The following PRKCA variants were observed in gnomAD, a reference collection of about 807,000 sequenced individuals.
PRKCA encodes the protein protein kinase C alpha type.
Under a neutral mutation model 87.0 loss-of-function variants are expected in PRKCA, and 27 were observed. The ratio of observed to expected loss-of-function variants is 0.31; its 90% CI spans 0.23 to 0.43. PRKCA has a LOEUF of 0.43. Ranked by LOEUF, PRKCA falls within the 20% of genes least tolerant of loss-of-function variation. PRKCA has a pLI of 1.00. For synonymous variants in PRKCA, 329 were observed against 311.1 expected (o/e 1.06, Z -0.61); for missense variants, 518 against 852.3 (o/e 0.61, Z 4.88).
intron 2 of PRKCA, among the ~76,000 whole-genome samples, chr17:66,413,337 AG>A (rs1911928140): frequency 6.6e-6 from 1 of 152,196 alleles, no homozygotes; most frequent in Non-Finnish European, 1.5e-5. Flanking sequence ...GCATGTAGGC[AG>A]GGGGGTGGAG....
rs916793855 is a variant in PRKCA, at chr17:66,384,448, A to C, written c.205+78321A>C. On this transcript the variant is annotated intron_variant, in intron 2 of 16. Transcript: ENST00000413366. ...TTACAAATATGAAAAGCTGTGGATAAAAATTATCTGATTTTTGAAGATTTG... is the reference window on the plus strand; with the variant it reads ...TTACAAATATGAAAAGCTGTGGATACAAATTATCTGATTTTTGAAGATTTG... Among the ~76,000 whole-genome samples the C allele has an allele frequency of 7.0e-4, 106 of 152,372 alleles. 1 individual carries two copies. Among genetic ancestry groups the C allele is most frequent in the Non-Finnish European group, 5.9e-5 (4 of 68,042 alleles).
At chr17:66,771,417 C>T (rs1252220507) in intron 13 of PRKCA, among the ~76,000 whole-genome samples, 2 of 152,160 alleles carry the variant, frequency 1.3e-5, no homozygotes, top group East Asian at 3.8e-4. Context: ...TGCCAAGATA[C>T]TCATGATATA....
chr17:66,618,680 A>G (rs1261408640), intron 3 of PRKCA, among the ~76,000 whole-genome samples: 1 of 152,192 alleles, frequency 6.6e-6, no homozygotes, highest in Non-Finnish European at 1.5e-5. Context: ...TTACTCATGA[A>G]TTTTAATAAA....
At chr17:66,444,888 C>A (rs573898583) in intron 2 of PRKCA, among the ~76,000 whole-genome samples, 1 of 152,216 alleles carries the variant, frequency 6.6e-6, no homozygotes, top group Admixed American at 6.5e-5. Flanking sequence ...TTTAGAAAAT[C>A]CCACTCAGTT....
intron 8 of PRKCA, among the ~76,000 whole-genome samples, chr17:66,723,954 C>T (rs369775699): frequency 4.3e-4 from 66 of 152,228 alleles, no homozygotes; most frequent in African/African-American, 1.3e-3. Flanking sequence ...AGACTGTGGA[C>T]GGTGGAAAGG....
At chr17:66,367,457 C>T (rs1010813302) in intron 2 of PRKCA, among the ~76,000 whole-genome samples, 7 of 152,150 alleles carry the variant, frequency 4.6e-5, no homozygotes. Context: ...CACTGCTGTA[C>T]CTAAAACAGT....
chr17:66,688,897 A>C, intron 7 of PRKCA, 54 bp from the exon 8 acceptor site: 1 of 1,148,118 alleles, frequency 8.7e-7, no homozygotes. Context: ...TAGAGGCTGC[A>C]GGAAAGGCTT....
At chr17:66,484,921 A>G (rs1281688501) in intron 2 of PRKCA, among the ~76,000 whole-genome samples, 2 of 151,286 alleles carry the variant, frequency 1.3e-5, no homozygotes, top group Non-Finnish European at 3.0e-5. Context: ...CTACTTAATG[A>G]TAAGTATTAG....
At chr17:66,539,618 A>G (rs1250867821) in intron 3 of PRKCA, among the ~76,000 whole-genome samples, 1 of 152,072 alleles carries the variant, frequency 6.6e-6, no homozygotes, top group Admixed American at 6.6e-5. Context: ...GTTAGCCAGG[A>G]TAGTCTCGAT....
At chr17:66,771,459 C>G (rs1015780047) in intron 13 of PRKCA, among the ~76,000 whole-genome samples, 2 of 152,184 alleles carry the variant, frequency 1.3e-5, no homozygotes, top group African/African-American at 4.8e-5. Context: ...CACAAAATAG[C>G]AGGCTCACAT....
chr17:66,606,757 G>A lies in PRKCA; in HGVS notation c.289-34598G>A, dbSNP rs566017650. Among the ~76,000 whole-genome samples, 7 of 152,196 alleles carry A rather than the reference G, an allele frequency of 4.6e-5. No homozygotes were observed. In the East Asian group the frequency reaches 7.7e-4, roughly 17 times the overall value. On this transcript the variant is annotated intron_variant, in intron 3 of 16. Coordinates refer to ENST00000413366, the MANE Select transcript of PRKCA (RefSeq NM_002737.3). The stretch of plus-strand genomic sequence containing the variant: ...AAATCAGTGGCCATATATATCAAGA[G>A]TTGTAAAACATTTGTGGCTATTCTA...
At chr17:66,674,518 G>C (rs1282143381) in intron 5 of PRKCA, among the ~76,000 whole-genome samples, 1 of 152,152 alleles carries the variant, frequency 6.6e-6, no homozygotes, top group Non-Finnish European at 1.5e-5. Context: ...TAAATATTTA[G>C]CATATAGAAC....
intron 5 of PRKCA, among the ~76,000 whole-genome samples, chr17:66,657,427 G>A (rs938409124): frequency 6.6e-6 from 1 of 152,090 alleles, no homozygotes; most frequent in Non-Finnish European, 1.5e-5. Flanking sequence ...CATCAACTTC[G>A]ACTCACTTGA....
chr17:66,655,897 G>A (rs1312133886), intron 5 of PRKCA, among the ~76,000 whole-genome samples: 2 of 152,136 alleles, frequency 1.3e-5, no homozygotes, highest in Non-Finnish European at 2.9e-5. Flanking sequence ...ACATCTATCA[G>A]CTAAGAAAAA....
chr17:66,615,026 C>A (rs548153503), intron 3 of PRKCA, among the ~76,000 whole-genome samples: 1 of 152,264 alleles, frequency 6.6e-6, no homozygotes, highest in Admixed American at 6.5e-5. Context: ...TTCTGTGTCT[C>A]TGTTGTACCA....
At chr17:66,656,479 A>C (rs1971736275) in intron 5 of PRKCA, among the ~76,000 whole-genome samples, 1 of 152,110 alleles carries the variant, frequency 6.6e-6, no homozygotes, top group Admixed American at 6.6e-5. Context: ...TAATTATAGG[A>C]TTATCATTTA....
intron 3 of PRKCA, among the ~76,000 whole-genome samples, chr17:66,513,043 C>T (rs1408562801): frequency 6.6e-6 from 1 of 152,192 alleles, no homozygotes; most frequent in Non-Finnish European, 1.5e-5. Flanking sequence ...CTGTCATCAT[C>T]TAAAACCATA....
At chr17:66,737,639 A>G (rs1490363740) in intron 10 of PRKCA, among the ~76,000 whole-genome samples, 1 of 152,226 alleles carries the variant, frequency 6.6e-6, no homozygotes, top group Non-Finnish European at 1.5e-5. Flanking sequence ...CTGGGTGTGT[A>G]GCAGTGGCCG....
Position 66,803,823 on chromosome 17 carries a change from C to G in PRKCA, c.1855-50C>G. ...GAGAGGGCCCTCGGAGAGCTGCTCC[C>G]GCATTGTCATGTTGACTGACCTTTC... On this transcript the variant is annotated intron_variant, in intron 16 of 16. Transcript: ENST00000413366. This position sits in a 1 kb window ranked among gnomAD's most constrained non-coding sequence, Gnocchi z 4.4. 1 of 1,594,872 alleles carries G rather than the reference C, an allele frequency of 6.3e-7. No homozygotes were observed.
Sources: allele counts gnomAD v4.1 joint callset (sites outside exome capture counted in the v4.1 genomes callset), GRCh38; gene constraint gnomAD v4.1.1; non-coding constraint Gnocchi (gnomAD v3.1); transcripts MANE v1.5; gene names NCBI Gene and HGNC (gene_info 2026-07-23, HGNC 2026-07-21).